NPTXR: variants seen among roughly 807,000 people sequenced by gnomAD.
The protein encoded by NPTXR is neuronal pentraxin receptor.
A neutral mutation model predicts 32.2 loss-of-function variants in NPTXR; 12 were observed. The observed-to-expected ratio is 0.37, with a 90% CI of 0.24 to 0.60. NPTXR has a LOEUF of 0.60. Among genes scored for constraint, NPTXR ranks in the 20% least tolerant of loss-of-function variants. The pLI, the probability that NPTXR is intolerant of heterozygous loss-of-function variation, is 0.66. For synonymous variants in NPTXR, 323 were observed against 315.8 expected (o/e 1.02, Z -0.24); for missense variants, 612 against 682.9 (o/e 0.90, Z 1.16).
intron 1 of NPTXR, among the ~76,000 whole-genome samples, chr22:38,835,705 A>C (rs1231349223): frequency 6.6e-6 from 1 of 152,038 alleles, no homozygotes; most frequent in Admixed American, 6.6e-5. Context: ...CAGCAGATGG[A>C]GGTCCCCCAC....
In NPTXR at chr22:38,821,608, A is replaced by C. The variant is rs77601830; in HGVS notation, c.*1001T>G. The C allele has an allele frequency of 0.014, 2,087 of 152,576 alleles. 18 individuals carry two copies. Among genetic ancestry groups the C allele is most frequent in the Admixed American group, 0.03 (464 of 15,312 alleles). The allele number at this position is 152,576 out of a possible 1,614,324, so 9.5% of individuals were successfully genotyped here. On this transcript the variant is annotated 3_prime_UTR_variant, in exon 5 of 5. Transcript: ENST00000333039. ...GGCAGGGACTTACAGAAGGCCACAC[A>C]GCACATTAGCAGGGCTGGCTAGGAA...
Position 38,843,173 on chromosome 22 carries a change from A to G in NPTXR, c.624+62T>C. On this transcript the variant is annotated intron_variant, in intron 1 of 4. Transcript: ENST00000333039. This position sits in a 1 kb window ranked among gnomAD's most constrained non-coding sequence, Gnocchi z 5.3. ...CCGGAGGCTCGGGGACCGCCGGACG[A>G]CCGCGGCCGGGCGGCCCCTCACACC... is the stretch of plus-strand genomic sequence containing the variant. 8.0e-7 allele frequency: 1 copy of G among 1,254,396 alleles called. No homozygotes were observed. Among genetic ancestry groups the G allele is most frequent in the Non-Finnish European group, 1.0e-6 (1 of 998,882 alleles). 77.7% of individuals were successfully genotyped at this position (1,254,396 alleles called of 1,614,324 possible). A position where few individuals can be genotyped will look rare whatever the true frequency, so the allele number is the denominator to read the frequency against.
Position 38,822,829 on chromosome 22 carries a change from G to A in NPTXR, c.1283C>T (p.Thr428Ile). ...GGTGGCATCAAACCGGCCACCCAGG[G>A]TATCCTGGGCCAAGACAGCAGCAGA... Residue 428 changes from threonine (T) to isoleucine (I), a missense_variant, in exon 5 of 5, where the codon ACC becomes ATC. Physicochemically the swap from Thr to Ile is moderately conservative, Grantham distance 89. Transcript: ENST00000333039. 1 of 1,613,102 alleles carries A rather than the reference G, an allele frequency of 6.2e-7. No homozygotes were observed. The highest frequency in any genetic ancestry group is 1.1e-5 in the South Asian group (1 of 90,948).
chr22:38,843,023 G>C lies in NPTXR; in HGVS notation c.624+212C>G, dbSNP rs942998674. ...CTGGAGACGGAAAAGGGTGGGGAGC[G>C]AATCTTTCTGGCGCGCCCTCTGTGC... On this transcript the variant is annotated intron_variant, in intron 1 of 4. Transcript: ENST00000333039. This position sits in a 1 kb window ranked among gnomAD's most constrained non-coding sequence, Gnocchi z 5.3. Among the ~76,000 whole-genome samples the C allele has an allele frequency of 6.6e-6, 1 of 152,192 alleles. No homozygotes were observed. Among genetic ancestry groups the C allele is most frequent in the African/African-American group, 2.4e-5 (1 of 41,448 alleles).
At chr22:38,835,554 T>TG (rs2093122765) in intron 1 of NPTXR, among the ~76,000 whole-genome samples, 1 of 152,122 alleles carries the variant, frequency 6.6e-6, no homozygotes, top group African/African-American at 2.4e-5. Flanking sequence ...CCCCAGACCG[T>TG]GTCTAAAGAC....
Position 38,844,002 on chromosome 22 carries a change from C to G in NPTXR, c.-144G>C, listed in dbSNP as rs866429751. On this transcript the variant is annotated 5_prime_UTR_variant, in exon 1 of 5. Transcript: ENST00000333039. The surrounding 1 kb of genome is among the most constrained non-coding windows in gnomAD (Gnocchi z 4.3). Reference sequence around the variant, plus strand: ...GAGCCGGAGCCGGAGCTGGAGCTGTCGCCGCGGCCGCTGCTGCCGCCGCTC... The same window carrying G: ...GAGCCGGAGCCGGAGCTGGAGCTGTGGCCGCGGCCGCTGCTGCCGCCGCTC... The G allele has an allele frequency of 1.4e-3, 388 of 278,020 alleles. No individual in the cohort carries two copies. The Middle Eastern group carries it at 0.022, about 16-fold the overall frequency. 17.2% of individuals were successfully genotyped at this position (278,020 alleles called of 1,614,324 possible).
Position 38,823,113 on chromosome 22 carries a change from A to G in NPTXR, c.1248T>C (p.Pro416=). 15 of 1,614,138 alleles carry G rather than the reference A, an allele frequency of 9.3e-6. No homozygotes were observed. The highest frequency in any genetic ancestry group is 1.3e-5 in the Non-Finnish European group (15 of 1,180,010). ...CCTGGCCCAAGATAAGGATCCCATG[A>G]GGCTTGATGGGGTGCCAGGCAGCCA... is the stretch of plus-strand genomic sequence containing the variant. The change falls in exon 4 of 5, where the codon CCT becomes CCC. Residue 416 remains proline, a synonymous_variant. Transcript: ENST00000333039.
chr22:38,833,743 C>T (rs931529132), intron 1 of NPTXR, among the ~76,000 whole-genome samples: 4 of 149,930 alleles, frequency 2.7e-5, no homozygotes, highest in East Asian at 2.0e-4. Context: ...GGCACGATCT[C>T]GGCTCACTGC....
Position 38,843,686 on chromosome 22 carries a change from C to G in NPTXR, c.173G>C (p.Ser58Thr), listed in dbSNP as rs912978000. 2.0e-6 allele frequency: 2 copies of G among 1,005,424 alleles called. No homozygotes were observed. Among genetic ancestry groups the G allele is most frequent in the Non-Finnish European group, 2.4e-6 (2 of 845,272 alleles). The allele number at this position is 1,005,424 out of a possible 1,614,324, so 62.3% of individuals were successfully genotyped here. Residue 58 changes from serine (S) to threonine (T), a missense_variant, in exon 1 of 5, where the codon AGC (serine) becomes ACC (threonine). Transcript: ENST00000333039. This position sits in a 1 kb window ranked among gnomAD's most constrained non-coding sequence, Gnocchi z 5.3. ...GCCCGCGCCGTGCAGCGCGCTCAGGCTCCGCTGCGGGCCCGGGGACGCGGC... is the reference window on the plus strand; with the variant it reads ...GCCCGCGCCGTGCAGCGCGCTCAGGGTCCGCTGCGGGCCCGGGGACGCGGC...
chr22:38,838,332 G>A (rs937138436), intron 1 of NPTXR, among the ~76,000 whole-genome samples: 10 of 151,940 alleles, frequency 6.6e-5, no homozygotes, highest in African/African-American at 2.4e-4. Flanking sequence ...ATGGGAATGC[G>A]TTCAGCCTCT....
intron 3 of NPTXR, among the ~76,000 whole-genome samples, chr22:38,825,388 G>A (rs2093104778): frequency 6.6e-6 from 1 of 152,134 alleles, no homozygotes; most frequent in Non-Finnish European, 1.5e-5. Flanking sequence ...GATAATGAGG[G>A]TACCTACTTC....
chr22:38,826,921 G>A (rs2093108095), intron 2 of NPTXR, among the ~76,000 whole-genome samples, 174 bp from the exon 3 acceptor site: 1 of 152,180 alleles, frequency 6.6e-6, no homozygotes, highest in South Asian at 2.1e-4. Context: ...TAAAGTGCAG[G>A]GGCTCTGGAC....
intron 1 of NPTXR, among the ~76,000 whole-genome samples, chr22:38,829,036 A>G (rs2093112085): frequency 6.6e-6 from 1 of 152,372 alleles, no homozygotes; most frequent in Non-Finnish European, 1.5e-5. Flanking sequence ...TGGCTTGACC[A>G]TACCAGGGTG....
At chr22:38,827,268 T>C (rs1286370243) in intron 2 of NPTXR, among the ~76,000 whole-genome samples, 1 of 91,740 alleles carries the variant, frequency 1.1e-5, no homozygotes, top group Non-Finnish European at 2.2e-5. Flanking sequence ...TTCTTTTTTT[T>C]TTTTTTTTTG....
rs2093099827 is a variant in NPTXR at position 38,822,667 on chromosome 22, G to A, written c.1445C>T (p.Ala482Val). 5.0e-6 allele frequency: 8 copies of A among 1,613,948 alleles called. No individual in the cohort carries two copies. The highest frequency in any genetic ancestry group is 2.7e-5 in the African/African-American group (2 of 74,932). Residue 482 changes from alanine (A) to valine (V), a missense_variant, in exon 5 of 5, where the codon GCC (alanine) becomes GTC (valine). Ala to Val is a moderately conservative substitution (Grantham distance 64). Coordinates refer to ENST00000333039, the MANE Select transcript of NPTXR (RefSeq NM_014293.4). ...GGCAGCCTTTGTTGCACCCCCAAAG[G>A]CCTCCACCAACTTGTCTTCCCAGGG...
chr22:38,839,603 C>T (rs1023426792), intron 1 of NPTXR, among the ~76,000 whole-genome samples: 1 of 152,068 alleles, frequency 6.6e-6, no homozygotes, highest in Admixed American at 6.5e-5. Flanking sequence ...CAAGATTGCG[C>T]CACTGCACTC....
intron 1 of NPTXR, among the ~76,000 whole-genome samples, chr22:38,829,758 C>A (rs774952876): frequency 1.6e-4 from 24 of 152,224 alleles, no homozygotes; most frequent in Admixed American, 2.0e-4. Context: ...CCCCATTGTG[C>A]TGGGCACTGC....
In NPTXR at chr22:38,843,302, G is replaced by C; in HGVS notation, c.557C>G (p.Ser186Trp). Residue 186 changes from serine (S) to tryptophan (W), a missense_variant, in exon 1 of 5, where the codon TCG becomes TGG. Coordinates refer to ENST00000333039, the MANE Select transcript of NPTXR (RefSeq NM_014293.4). This position sits in a 1 kb window ranked among gnomAD's most constrained non-coding sequence, Gnocchi z 5.3. ...CTCCAGCTCCAGAATGAGCGCAGGC[G>C]AGTCCCAGGGCCCGTCGGCCATGGT... The C allele has an allele frequency of 1.4e-6, 2 of 1,436,546 alleles. No homozygotes were observed. Among genetic ancestry groups the C allele is most frequent in the Non-Finnish European group, 1.8e-6 (2 of 1,101,978 alleles). The allele number at this position is 1,436,546 out of a possible 1,614,324, so 89.0% of individuals were successfully genotyped here.
At chr22:38,836,923 TC>T (rs1215201658) in intron 1 of NPTXR, among the ~76,000 whole-genome samples, 1 of 152,156 alleles carries the variant, frequency 6.6e-6, no homozygotes, top group Non-Finnish European at 1.5e-5. Flanking sequence ...CAAGCGATTC[TC>T]CTGCCTCAGC....
Sources: gnomAD v4.1 joint callset for allele counts (sites outside exome capture counted in the v4.1 genomes callset) on GRCh38, gnomAD v4.1.1 for gene constraint, Gnocchi (gnomAD v3.1) non-coding constraint, MANE v1.5 for transcripts, NCBI Gene and HGNC (gene_info 2026-07-23, HGNC 2026-07-21) for gene names.